Variants in KCNAB1 observed in about 807,000 individuals in gnomAD.
KCNAB1 encodes the protein potassium voltage-gated channel subfamily A regulatory beta subunit 1.
A neutral mutation model predicts 64.6 loss-of-function variants in KCNAB1; 35 were observed. That is an observed-to-expected ratio of 0.54 (90% CI 0.41 to 0.72). The LOEUF (loss-of-function observed/expected upper bound fraction) is 0.72. Ranked by LOEUF, KCNAB1 falls within the 30% of genes least tolerant of loss-of-function variation. The pLI, the probability that KCNAB1 is intolerant of heterozygous loss-of-function variation, is 0.00. For missense variants in KCNAB1, 401 were observed against 512.9 expected (o/e 0.78, Z 2.11); for synonymous variants, 177 against 183.8 (o/e 0.96, Z 0.30).
At chr3:156,221,797 T>G (rs1378032185) in intron 1 of KCNAB1, among the ~76,000 whole-genome samples, 3 of 141,820 alleles carry the variant, frequency 2.1e-5, no homozygotes, top group Non-Finnish European at 3.1e-5. Context: ...AAAAAAAAAG[T>G]TTTGTGTCCA....
chr3:156,432,722 CT>C (rs1313486668), intron 2 of KCNAB1, among the ~76,000 whole-genome samples: 1 of 152,118 alleles, frequency 6.6e-6, no homozygotes, highest in African/African-American at 2.4e-5. Context: ...ATATCTCCAC[CT>C]TATGCTTGAC....
intron 8 of KCNAB1, among the ~76,000 whole-genome samples, chr3:156,500,416 T>C (rs551000615): frequency 6.6e-6 from 1 of 152,248 alleles, no homozygotes; most frequent in South Asian, 2.1e-4. Flanking sequence ...TTTCAATAAC[T>C]TACTCCATTT....
At chr3:156,512,062 C>T (rs1312882880) in intron 8 of KCNAB1, among the ~76,000 whole-genome samples, 1 of 152,204 alleles carries the variant, frequency 6.6e-6, no homozygotes, top group South Asian at 2.1e-4. Flanking sequence ...CCTTACTGCA[C>T]TAAATATGTC....
upstream of KCNAB1, among the ~76,000 whole-genome samples, chr3:156,118,990 T>C (rs906217606): frequency 2.6e-5 from 4 of 152,222 alleles, no homozygotes; most frequent in Admixed American, 2.6e-4. Context: ...CTGACCCTGC[T>C]AGTTGGTATC....
intron 1 of KCNAB1, among the ~76,000 whole-genome samples, chr3:156,332,243 G>A (rs1242679139): frequency 1.3e-5 from 2 of 152,078 alleles, no homozygotes; most frequent in Non-Finnish European, 2.9e-5. Flanking sequence ...AAACATTAAT[G>A]AAAGTTTACA....
intron 1 of KCNAB1, among the ~76,000 whole-genome samples, chr3:156,356,260 A>C (rs1725234142): frequency 6.6e-6 from 1 of 152,198 alleles, no homozygotes; most frequent in Non-Finnish European, 1.5e-5. Context: ...GAAACCTGTC[A>C]TAATGCATAA....
At chr3:156,345,937 C>T (rs746680968) in intron 1 of KCNAB1, among the ~76,000 whole-genome samples, 1 of 152,096 alleles carries the variant, frequency 6.6e-6, no homozygotes, top group Non-Finnish European at 1.5e-5. Flanking sequence ...TACAATTTTG[C>T]TCAGCTTAAT....
intron 1 of KCNAB1, among the ~76,000 whole-genome samples, chr3:156,336,038 A>G (rs1033618134): frequency 2.1e-4 from 32 of 152,260 alleles, no homozygotes; most frequent in African/African-American, 7.7e-4. Flanking sequence ...TTATTGGTTT[A>G]ACTTAATTTT....
At chr3:156,387,311 G>A (rs1201209411) in intron 1 of KCNAB1, among the ~76,000 whole-genome samples, 13 of 152,256 alleles carry the variant, frequency 8.5e-5, no homozygotes, top group Non-Finnish European at 1.5e-5. Flanking sequence ...TAGGGAATGA[G>A]TACAGAGCTG....
rs1274780519 is a variant in KCNAB1 at position 156,142,978 on chromosome 3, A to G, written c.275+22092A>G. On this transcript the variant is annotated intron_variant, in intron 1 of 13. Transcript: ENST00000490337. ...GCCTCCTTTATGCACAGGCCTGGGC[A>G]GGGACACACAACCAACAGCTCTGTC... 5 of 1,263,690 alleles carry G rather than the reference A, an allele frequency of 4.0e-6. No individual in the cohort carries two copies. In the East Asian group the frequency reaches 1.3e-4, roughly 32 times the overall value. The allele number at this position is 1,263,690 out of a possible 1,614,324, so 78.3% of individuals were successfully genotyped here. A position where few individuals can be genotyped will look rare whatever the true frequency, so the allele number is the denominator to read the frequency against.
intron 1 of KCNAB1, among the ~76,000 whole-genome samples, chr3:156,194,498 C>T (rs1298877784): frequency 6.6e-6 from 1 of 151,924 alleles, no homozygotes; most frequent in Non-Finnish European, 1.5e-5. Context: ...TTCTTTTTAA[C>T]ATTTTCTTTT....
intron 1 of KCNAB1, among the ~76,000 whole-genome samples, chr3:156,302,480 C>T (rs1286045683): frequency 6.6e-6 from 1 of 152,078 alleles, no homozygotes; most frequent in African/African-American, 2.4e-5. Context: ...TTCTAGAATC[C>T]AAGACTTGTC....
chr3:156,471,397 A>G (rs553421996), intron 7 of KCNAB1, among the ~76,000 whole-genome samples: 172 of 152,220 alleles, frequency 1.1e-3, no homozygotes, highest in Admixed American at 2.6e-3. Flanking sequence ...ATTTTCTTTG[A>G]GTAATTTATT....
intron 1 of KCNAB1, among the ~76,000 whole-genome samples, chr3:156,294,515 T>TA (rs1252369172): frequency 2.6e-5 from 4 of 152,200 alleles, no homozygotes; most frequent in African/African-American, 9.6e-5. Flanking sequence ...ATATACTTTA[T>TA]AAAAAATGAT....
chr3:156,398,710 C>G (rs1021915916), intron 1 of KCNAB1, among the ~76,000 whole-genome samples: 1 of 151,104 alleles, frequency 6.6e-6, no homozygotes, highest in African/African-American at 2.4e-5. Flanking sequence ...CACATGTATC[C>G]CAGAACTTAA....
At chr3:156,332,568 A>G (rs564001131) in intron 1 of KCNAB1, among the ~76,000 whole-genome samples, 51 of 152,210 alleles carry the variant, frequency 3.4e-4, no homozygotes, top group Non-Finnish European at 6.2e-4. Flanking sequence ...GAGTGTCGTG[A>G]CATCTGCTAT....
At chr3:156,291,937 C>A in intron 1 of KCNAB1, 1 of 1,614,130 alleles carries the variant, frequency 6.2e-7, no homozygotes, top group Non-Finnish European at 8.5e-7. Flanking sequence ...GCACAGAGCA[C>A]AATTTGAAGA....
intron 1 of KCNAB1, among the ~76,000 whole-genome samples, chr3:156,209,072 T>G (rs1160100869): frequency 6.6e-6 from 1 of 152,258 alleles, no homozygotes; most frequent in Admixed American, 6.5e-5. Flanking sequence ...TAAACTTAAT[T>G]TTTTAAAGAC....
chr3:156,234,558 C>T lies in KCNAB1; in HGVS notation c.275+113672C>T, dbSNP rs1004267285. On this transcript the variant is annotated intron_variant, in intron 1 of 13. Transcript: ENST00000490337. Reference sequence around the variant, plus strand: ...TTAGCAAAATAGGAAGTGAGGTCAACGCTGGGAGTGGGGATGGGTTGGGGG... The same window carrying T: ...TTAGCAAAATAGGAAGTGAGGTCAATGCTGGGAGTGGGGATGGGTTGGGGG... Among the ~76,000 whole-genome samples, 4 of 151,782 alleles carry T rather than the reference C, an allele frequency of 2.6e-5. No individual in the cohort carries two copies. The East Asian group carries it at 5.8e-4, about 22-fold the overall frequency.
Sources: allele counts gnomAD v4.1 joint callset (sites outside exome capture counted in the v4.1 genomes callset), GRCh38; gene constraint gnomAD v4.1.1; transcripts MANE v1.5; gene names NCBI Gene and HGNC (gene_info 2026-07-23, HGNC 2026-07-21).